ITM2B: variants seen among roughly 807,000 people sequenced by gnomAD.
ITM2B encodes integral membrane protein 2B.
Under a neutral mutation model 27.8 loss-of-function variants are expected in ITM2B, and 11 were observed. That is an observed-to-expected ratio of 0.40 (90% CI 0.25 to 0.66). ITM2B has a LOEUF of 0.66. Ranked by LOEUF, ITM2B falls within the 30% of genes least tolerant of loss-of-function variation. The probability of loss-of-function intolerance (pLI) is 0.43; values close to 1 mark genes in which losing one functional copy is unlikely to be tolerated. For synonymous variants in ITM2B, 114 were observed against 114.3 expected, an observed-to-expected ratio of 1.00 and a Z score of 0.02; for missense variants, 296 against 328.9, an observed-to-expected ratio of 0.90 and a Z score of 0.77.
At chr13:48,256,116 T>C (rs1345669718) in intron 2 of ITM2B, 61 bp from the exon 3 acceptor site, 5 of 1,226,096 alleles carry the variant, frequency 4.1e-6, no homozygotes, top group South Asian at 2.4e-5. Context: ...GCTTAAGTAA[T>C]GCTTATTTAA....
intron 1 of ITM2B, among the ~76,000 whole-genome samples, chr13:48,246,989 C>A (rs527769051): frequency 6.6e-6 from 1 of 152,190 alleles, no homozygotes; most frequent in Non-Finnish European, 1.5e-5. Flanking sequence ...CCACCACACC[C>A]AGCTAATTTG....
intron 1 of ITM2B, among the ~76,000 whole-genome samples, chr13:48,242,786 T>C (rs575429702): frequency 6.6e-6 from 1 of 152,286 alleles, no homozygotes. Context: ...TTTCTCCTTA[T>C]ATCTTTTTTT....
At chr13:48,260,329 C>A (rs1288661001) in intron 5 of ITM2B, among the ~76,000 whole-genome samples, 1 of 152,106 alleles carries the variant, frequency 6.6e-6, no homozygotes, top group African/African-American at 2.4e-5. Flanking sequence ...GTCTTTATAG[C>A]AGCATGATTT....
intron 1 of ITM2B, among the ~76,000 whole-genome samples, chr13:48,242,589 G>A (rs943585225): frequency 2.6e-5 from 4 of 151,894 alleles, no homozygotes; most frequent in Non-Finnish European, 4.4e-5. Flanking sequence ...AAAATCTTAC[G>A]TGTCTCAGAA....
chr13:48,240,856 C>G (rs1054871991), intron 1 of ITM2B, among the ~76,000 whole-genome samples: 4 of 152,212 alleles, frequency 2.6e-5, no homozygotes, highest in African/African-American at 9.6e-5. Context: ...TACCTGGGCT[C>G]TAACTCCCAA....
At chr13:48,243,860 A>T (rs909711468) in intron 1 of ITM2B, among the ~76,000 whole-genome samples, 3 of 151,908 alleles carry the variant, frequency 2.0e-5, no homozygotes, top group African/African-American at 7.3e-5. Flanking sequence ...TATATTTAAT[A>T]AAAAAAATCA....
At chr13:48,238,232 T>A (rs1336534406) in intron 1 of ITM2B, among the ~76,000 whole-genome samples, 2 of 152,180 alleles carry the variant, frequency 1.3e-5, no homozygotes, top group Non-Finnish European at 2.9e-5. Context: ...TAATTAGTAC[T>A]TACAACACAT....
rs1212456045 is a variant in ITM2B, at chr13:48,264,446, G to T, written c.*3222G>T. Reference sequence around the variant, plus strand: ...AATAATGCAAATGAAAAGGCAAATGGATTATTGAATAGAAAAGGTCTAGAT... The same window carrying T: ...AATAATGCAAATGAAAAGGCAAATGTATTATTGAATAGAAAAGGTCTAGAT... On this transcript the variant is annotated 3_prime_UTR_variant, in exon 6 of 6. Transcript: ENST00000647800. 6.6e-6 allele frequency: 1 copy of T among 152,106 alleles called. No homozygotes were observed. The highest frequency in any genetic ancestry group is 1.5e-5 in the Non-Finnish European group (1 of 68,030). The allele number at this position is 152,106 out of a possible 1,614,324, so 9.4% of individuals were successfully genotyped here.
chr13:48,242,422 T>C (rs1951704955), intron 1 of ITM2B, among the ~76,000 whole-genome samples: 1 of 151,744 alleles, frequency 6.6e-6, no homozygotes, highest in African/African-American at 2.4e-5. Flanking sequence ...TTTTTTTTGA[T>C]GATTTCTTGC....
chr13:48,233,722 G>C (rs1468743934), intron 1 of ITM2B, among the ~76,000 whole-genome samples: 4 of 152,100 alleles, frequency 2.6e-5, no homozygotes, highest in Non-Finnish European at 5.9e-5. Flanking sequence ...GGAACGATTG[G>C]CTAATTGTGC....
At chr13:48,250,314 T>C (rs1431334912) in intron 1 of ITM2B, among the ~76,000 whole-genome samples, 3 of 152,118 alleles carry the variant, frequency 2.0e-5, no homozygotes, top group African/African-American at 7.2e-5. Flanking sequence ...ATAACCAGGC[T>C]TTTTAAAAAA....
At chr13:48,250,775 T>C (rs1593393337) in intron 1 of ITM2B, among the ~76,000 whole-genome samples, 2 of 152,194 alleles carry the variant, frequency 1.3e-5, no homozygotes, top group East Asian at 3.9e-4. Context: ...ATAAGATCTT[T>C]ATGTGAATTA....
At chr13:48,246,145 A>G (rs1168146660) in intron 1 of ITM2B, among the ~76,000 whole-genome samples, 1 of 152,174 alleles carries the variant, frequency 6.6e-6, no homozygotes, top group Admixed American at 6.5e-5. Flanking sequence ...AACTTCATTA[A>G]TCATAACATG....
At chr13:48,235,478 A>G (rs935665269) in intron 1 of ITM2B, among the ~76,000 whole-genome samples, 2 of 152,244 alleles carry the variant, frequency 1.3e-5, no homozygotes, top group African/African-American at 2.4e-5. Context: ...TTTTCCAGCT[A>G]TAAGCTGAAA....
At chr13:48,237,501 GT>G (rs1283551310) in intron 1 of ITM2B, among the ~76,000 whole-genome samples, 6 of 152,154 alleles carry the variant, frequency 3.9e-5, no homozygotes, top group African/African-American at 1.4e-4. Flanking sequence ...ACAGAAATGA[GT>G]ATAATATACT....
Position 48,253,889 on chromosome 13 carries a change from G to C in ITM2B, c.199G>C (p.Gly67Arg), listed in dbSNP as rs1951770009. Residue 67 changes from glycine (G) to arginine (R), a missense_variant, in exon 2 of 6, where the codon GGT (glycine) becomes CGT (arginine). Transcript: ENST00000647800. ...CTTTGGACTAGCATTTATGCTTGCAGGTGTTATTCTAGGAGGAGCATACTT... is the reference window on the plus strand; with the variant it reads ...CTTTGGACTAGCATTTATGCTTGCACGTGTTATTCTAGGAGGAGCATACTT... Reference protein sequence around the residue: ...MCFGLAFMLAGVILGGAYLYK... With the variant: ...MCFGLAFMLARVILGGAYLYK... The C allele has an allele frequency of 6.2e-7, 1 of 1,613,710 alleles. No homozygotes were observed. Among genetic ancestry groups the C allele is most frequent in the Non-Finnish European group, 8.5e-7 (1 of 1,179,820 alleles).
chr13:48,265,490 A>AAG lies in ITM2B; in HGVS notation c.*4267_*4268dup, dbSNP rs146383412. 4,268 of 152,398 alleles carry AAG rather than the reference A, an allele frequency of 0.028. 195 individuals carry two copies. Among genetic ancestry groups the AAG allele is most frequent in the African/African-American group, 0.097 (4,024 of 41,518 alleles). 9.4% of individuals were successfully genotyped at this position (152,398 alleles called of 1,614,324 possible). ...TCTCTGCTTCCCCACACCCACCCGT[A>AAG]AGCCACAACAATCTTTCCAAAACAC... On this transcript the variant is annotated 3_prime_UTR_variant, in exon 6 of 6. Transcript: ENST00000647800.
At position 48,263,187 on chromosome 13, in the gene ITM2B, A is replaced by G. The variant is rs536753094; in HGVS notation, c.*1963A>G. 5 of 152,142 alleles carry G rather than the reference A, an allele frequency of 3.3e-5. No homozygotes were observed. The highest frequency in any genetic ancestry group is 7.4e-5 in the Non-Finnish European group (5 of 68,020). 9.4% of individuals were successfully genotyped at this position (152,142 alleles called of 1,614,324 possible). ...TAATCATCTTAGTAAAACATTTGATAATTCTTCACAACATTTGCAATCATT... is the reference window on the plus strand; with the variant it reads ...TAATCATCTTAGTAAAACATTTGATGATTCTTCACAACATTTGCAATCATT... On this transcript the variant is annotated 3_prime_UTR_variant, in exon 6 of 6. Transcript: ENST00000647800.
chr13:48,245,042 A>G lies in ITM2B; in HGVS notation c.118-8766A>G, dbSNP rs181141674. 3.5e-3 allele frequency among the ~76,000 whole-genome samples: 527 copies of G among 152,258 alleles called. 1 individual carries two copies. Among genetic ancestry groups the G allele is most frequent in the Middle Eastern group, 0.031 (9 of 292 alleles). On this transcript the variant is annotated intron_variant, in intron 1 of 5. Coordinates refer to ENST00000647800, the MANE Select transcript of ITM2B (RefSeq NM_021999.5). ...AAATTTCACTTTATAAAACGGATAC[A>G]AGGCCGGGTGCAGTGGCTCATGCCT...
Sources: allele counts gnomAD v4.1 joint callset (sites outside exome capture counted in the v4.1 genomes callset), GRCh38; gene constraint gnomAD v4.1.1; transcripts MANE v1.5; gene names NCBI Gene and HGNC (gene_info 2026-07-23, HGNC 2026-07-21).